Variants in RNF10 observed in about 807,000 individuals in gnomAD.
RNF10 encodes the protein E3 ubiquitin-protein ligase RNF10.
A neutral mutation model predicts 91.4 loss-of-function variants in RNF10; 38 were observed. That is an observed-to-expected ratio of 0.42 (90% CI 0.32 to 0.54). RNF10 has a LOEUF of 0.54. Among genes scored for constraint, RNF10 ranks in the 20% least tolerant of loss-of-function variants. RNF10 has a pLI of 0.16. For missense variants in RNF10, 945 were observed against 1,012.0 expected, an observed-to-expected ratio of 0.93 and a Z score of 0.90; for synonymous variants, 364 against 366.3, an observed-to-expected ratio of 0.99 and a Z score of 0.07.
chr12:120,549,633 A>T (rs1259763576), intron 2 of RNF10, among the ~76,000 whole-genome samples: 1 of 152,072 alleles, frequency 6.6e-6, no homozygotes, highest in Non-Finnish European at 1.5e-5. Context: ...AAAAATACAA[A>T]AATTAACCGG....
chr12:120,560,670 A>G lies in RNF10; in HGVS notation c.968-56A>G, dbSNP rs554978507. The G allele has an allele frequency of 3.0e-4, 467 of 1,544,092 alleles. 7 individuals carry two copies. In the South Asian group the frequency reaches 5.2e-3, roughly 17 times the overall value. ...TGTATTTGAAAATTCCTATTTAGCT[A>G]CACCATCGTGAGCTTTGAATGTTGC... On this transcript the variant is annotated intron_variant, in intron 6 of 16. Transcript: ENST00000325954.
rs1338636605 is a variant in RNF10, at chr12:120,554,589, G to A, written c.555-129G>A. 8.5e-6 allele frequency: 6 copies of A among 708,042 alleles called. No homozygotes were observed. In the Admixed American group the frequency reaches 1.1e-4, roughly 13 times the overall value. The allele number at this position is 708,042 out of a possible 1,614,324, so 43.9% of individuals were successfully genotyped here. On this transcript the variant is annotated intron_variant, in intron 3 of 16. Transcript: ENST00000325954. ...TCAGAACTGAGGCTGAGGTCCTAGTGCAGTGCCTCATGAACCAGGGCTGCT... is the reference window on the plus strand; with the variant it reads ...TCAGAACTGAGGCTGAGGTCCTAGTACAGTGCCTCATGAACCAGGGCTGCT...
intron 2 of RNF10, among the ~76,000 whole-genome samples, 176 bp from the exon 3 acceptor site, chr12:120,552,323 C>T (rs1202463390): frequency 6.6e-6 from 1 of 151,644 alleles, no homozygotes; most frequent in Non-Finnish European, 1.5e-5. Flanking sequence ...TCACTTGAAC[C>T]TGGGAGGCAG....
chr12:120,575,399 C>T (rs1198646107), intron 14 of RNF10: 3 of 534,084 alleles, frequency 5.6e-6, no homozygotes, highest in Non-Finnish European at 1.0e-5. Context: ...TTACCCATTT[C>T]CTAAGGAACA....
rs1468110498 is a variant in RNF10, at chr12:120,553,595, G to A, written c.554+897G>A. Among the ~76,000 whole-genome samples the A allele has an allele frequency of 2.0e-5, 3 of 151,208 alleles. No individual in the cohort carries two copies. In the East Asian group the frequency reaches 5.9e-4, roughly 30 times the overall value. On this transcript the variant is annotated intron_variant, in intron 3 of 16. Coordinates refer to ENST00000325954, the MANE Select transcript of RNF10 (RefSeq NM_014868.5). ...TGTTTTTGTATTTTTAGTAGAGATG[G>A]TGTTGCACCGTATTAGCCAGGATGG...
At chr12:120,574,957 A>G in intron 14 of RNF10, 1 of 173,926 alleles carries the variant, frequency 5.7e-6, no homozygotes. Flanking sequence ...GGAGGGTACT[A>G]GGCCGGGCAC....
At chr12:120,557,205 A>G in intron 4 of RNF10, 77 bp from the exon 5 acceptor site, 1 of 1,269,618 alleles carries the variant, frequency 7.9e-7, no homozygotes, top group Non-Finnish European at 1.1e-6. Flanking sequence ...CGGATGAGAG[A>G]GTAGAGAGGC....
chr12:120,559,082 AAATT>A (rs1211419662), intron 6 of RNF10, among the ~76,000 whole-genome samples: 1 of 151,362 alleles, frequency 6.6e-6, no homozygotes, highest in African/African-American at 2.4e-5. Flanking sequence ...TTATTTTAAA[AAATT>A]AACTGGGCAT....
intron 14 of RNF10, among the ~76,000 whole-genome samples, 181 bp downstream of exon 14, chr12:120,571,472 G>A (rs1188135225): frequency 6.6e-6 from 1 of 152,146 alleles, no homozygotes; most frequent in Non-Finnish European, 1.5e-5. Flanking sequence ...CATGGAGTTG[G>A]TTGAGGGCAG....
intron 14 of RNF10, among the ~76,000 whole-genome samples, chr12:120,572,075 T>TC (rs1355770150): frequency 1.3e-5 from 2 of 151,710 alleles, no homozygotes; most frequent in African/African-American, 4.8e-5. Context: ...TTTTTTTTTT[T>TC]TCCTCTTCTC....
In RNF10 at chr12:120,535,139, G is replaced by A. The variant is rs878886476; in HGVS notation, c.157+171G>A. Among the ~76,000 whole-genome samples, 20 of 152,358 alleles carry A rather than the reference G, an allele frequency of 1.3e-4. 1 individual carries two copies. The South Asian group carries it at 3.9e-3, about 30-fold the overall frequency. Reference sequence around the variant, plus strand: ...GTTACATTAATGAGCGCTGTGCTGCGTGGTTTACGTGGATCATTTACATTA... The same window carrying A: ...GTTACATTAATGAGCGCTGTGCTGCATGGTTTACGTGGATCATTTACATTA... On this transcript the variant is annotated intron_variant, in intron 1 of 16. Coordinates refer to ENST00000325954, the MANE Select transcript of RNF10 (RefSeq NM_014868.5).
chr12:120,575,605 C>T (rs1877278444), intron 14 of RNF10, 26 bp from the exon 15 acceptor site: 4 of 1,613,882 alleles, frequency 2.5e-6, no homozygotes, highest in Non-Finnish European at 3.4e-6. Flanking sequence ...TAAATTCTCT[C>T]CCCCACTTCT....
chr12:120,548,363 G>GA (rs148586638), intron 2 of RNF10, among the ~76,000 whole-genome samples: 4,717 of 152,196 alleles, frequency 0.031, 236 homozygotes, highest in African/African-American at 0.11. Flanking sequence ...TTCAAGAACT[G>GA]AACCTCTGAG....
At chr12:120,553,654 C>T (rs1286734454) in intron 3 of RNF10, among the ~76,000 whole-genome samples, 3 of 152,014 alleles carry the variant, frequency 2.0e-5, no homozygotes, top group Non-Finnish European at 2.9e-5. Flanking sequence ...CCACCCGCCT[C>T]GGCCTCCCAA....
chr12:120,553,779 C>T (rs1209097796), intron 3 of RNF10, among the ~76,000 whole-genome samples: 1 of 152,068 alleles, frequency 6.6e-6, no homozygotes, highest in Non-Finnish European at 1.5e-5. Flanking sequence ...AATATGATCC[C>T]CTTTTGTTTC....
In RNF10 at chr12:120,560,794, C is replaced by G. The variant is rs769630404; in HGVS notation, c.1036C>G (p.Leu346Val). ...SKEQVLHRVVLEEKVALEQQL... is the reference protein window; with the variant it reads ...SKEQVLHRVVVEEKVALEQQL... ...GGAGCAGGTGCTGCACCGGGTAGTT[C>G]TGGAGGAGAAAGTAGCACTAGAGCA... is the stretch of plus-strand genomic sequence containing the variant. Residue 346 changes from leucine (L) to valine (V), a missense_variant, in exon 7 of 17, where the codon CTG becomes GTG. By Grantham distance (32) the Leu-to-Val change is conservative. Transcript: ENST00000325954. 6.8e-5 allele frequency: 109 copies of G among 1,613,930 alleles called. No homozygotes were observed. The highest frequency in any genetic ancestry group is 8.8e-5 in the Non-Finnish European group (104 of 1,180,000).
At chr12:120,540,854 CTTTT>C (rs34034209) in intron 1 of RNF10, among the ~76,000 whole-genome samples, 84 of 137,564 alleles carry the variant, frequency 6.1e-4, no homozygotes, top group Middle Eastern at 3.8e-3. Context: ...AGTTTACTTT[CTTTT>C]TTTTTTTTTT....
intron 14 of RNF10, chr12:120,575,342 T>G: frequency 5.9e-6 from 2 of 337,764 alleles, no homozygotes; most frequent in Non-Finnish European, 1.1e-5. Flanking sequence ...GAATTCCCAA[T>G]TTGAGGGTCT....
chr12:120,564,499 C>A (rs2137234637), intron 10 of RNF10, among the ~76,000 whole-genome samples: 1 of 152,226 alleles, frequency 6.6e-6, no homozygotes, highest in Non-Finnish European at 1.5e-5. Flanking sequence ...ATGATGTGCA[C>A]CTGTTGTCCC....
Sources: gnomAD v4.1 joint callset for allele counts (sites outside exome capture counted in the v4.1 genomes callset) on GRCh38, gnomAD v4.1.1 for gene constraint, MANE v1.5 for transcripts, NCBI Gene and HGNC (gene_info 2026-07-23, HGNC 2026-07-21) for gene names.